The following PDE4D variants were observed in gnomAD, a reference collection of about 807,000 sequenced individuals.
PDE4D encodes 3',5'-cyclic-AMP phosphodiesterase 4D.
Under a neutral mutation model 87.4 loss-of-function variants are expected in PDE4D, and 24 were observed. The ratio of observed to expected loss-of-function variants is 0.27; its 90% confidence interval spans 0.20 to 0.39. PDE4D has a LOEUF of 0.39. Among genes scored for constraint, PDE4D ranks in the 10% least tolerant of loss-of-function variants. PDE4D has a pLI of 1.00. For missense variants in PDE4D, 714 were observed against 1,041.0 expected, an observed-to-expected ratio of 0.69 and a Z score of 4.32; for synonymous variants, 384 against 383.2, an observed-to-expected ratio of 1.00 and a Z score of -0.02.
intron 1 of PDE4D, among the ~76,000 whole-genome samples, chr5:59,643,148 A>G (rs1281084616): frequency 1.3e-5 from 2 of 152,202 alleles, no homozygotes; most frequent in Non-Finnish European, 2.9e-5. Context: ...AAATGAATAC[A>G]ATGAGATGAC....
intron 1 of PDE4D, among the ~76,000 whole-genome samples, chr5:59,341,191 T>C (rs549318432): frequency 1.3e-5 from 2 of 152,282 alleles, no homozygotes; most frequent in African/African-American, 4.8e-5. Flanking sequence ...GCAGTCAGCT[T>C]CCTTCTGGGT....
chr5:59,370,097 C>A (rs1010380611), intron 1 of PDE4D, among the ~76,000 whole-genome samples: 5 of 152,218 alleles, frequency 3.3e-5, no homozygotes, highest in Non-Finnish European at 7.3e-5. Flanking sequence ...GCCATCTCCA[C>A]TGCCATCACC....
intron 1 of PDE4D, among the ~76,000 whole-genome samples, chr5:59,387,927 G>A (rs1032431865): frequency 8.6e-5 from 13 of 151,970 alleles, no homozygotes; most frequent in Admixed American, 1.3e-4. Context: ...TGTGTCCTTT[G>A]ACTAACATTG....
intron 5 of PDE4D, among the ~76,000 whole-genome samples, chr5:59,148,676 T>C (rs1173627672): frequency 1.3e-5 from 2 of 152,028 alleles, no homozygotes; most frequent in Admixed American, 6.6e-5. Flanking sequence ...AACTTTTAAA[T>C]AGGAACTCCG....
chr5:59,854,074 A>G (rs1745060547), intron 1 of PDE4D, among the ~76,000 whole-genome samples: 1 of 152,090 alleles, frequency 6.6e-6, no homozygotes. Flanking sequence ...GCATAAATTC[A>G]TAGTGATAGA....
chr5:59,929,327 T>C (rs1399953213), intron 3 of PDE4D, among the ~76,000 whole-genome samples: 2 of 152,196 alleles, frequency 1.3e-5, no homozygotes, highest in Non-Finnish European at 2.9e-5. Flanking sequence ...AGGAACCCAA[T>C]CTACACCCTT....
chr5:60,059,856 C>A (rs1217424942), intron 2 of PDE4D, among the ~76,000 whole-genome samples: 3 of 151,918 alleles, frequency 2.0e-5, no homozygotes, highest in Non-Finnish European at 2.9e-5. Flanking sequence ...TAGCTCCAGA[C>A]AAAAGACTTC....
chr5:58,978,089 T>C (rs1464988185), intron 11 of PDE4D, among the ~76,000 whole-genome samples: 1 of 152,164 alleles, frequency 6.6e-6, no homozygotes, highest in Admixed American at 6.6e-5. Context: ...TTCTTGTAAA[T>C]AGCAGACCCA....
intron 1 of PDE4D, among the ~76,000 whole-genome samples, chr5:59,226,002 C>A (rs1372540026): frequency 1.3e-5 from 2 of 149,806 alleles, no homozygotes; most frequent in Non-Finnish European, 3.0e-5. Flanking sequence ...AAAAAAAAAA[C>A]CTGTTGGCAA....
chr5:59,425,701 T>A (rs1328786871), intron 1 of PDE4D, among the ~76,000 whole-genome samples: 3 of 152,224 alleles, frequency 2.0e-5, no homozygotes, highest in Non-Finnish European at 4.4e-5. Flanking sequence ...TGTACTTGTT[T>A]TTCTTTGGTA....
intron 5 of PDE4D, among the ~76,000 whole-genome samples, chr5:59,053,176 G>C (rs1761790901): frequency 6.6e-6 from 1 of 152,036 alleles, no homozygotes. Flanking sequence ...TCATCCTTAA[G>C]ATTAGCGTTT....
chr5:59,327,024 C>CT (rs947228461), intron 1 of PDE4D, among the ~76,000 whole-genome samples: 2 of 151,676 alleles, frequency 1.3e-5, no homozygotes, highest in African/African-American at 2.4e-5. Flanking sequence ...CATCTTCCAC[C>CT]TTTTTTTAGC....
chr5:60,479,062 T>G (rs1748535056), intron 1 of PDE4D, among the ~76,000 whole-genome samples: 1 of 152,132 alleles, frequency 6.6e-6, no homozygotes, highest in Non-Finnish European at 1.5e-5. Context: ...TAACTTGATG[T>G]TTCTCCTTTA....
chr5:59,350,053 T>C (rs1363683031), intron 1 of PDE4D, among the ~76,000 whole-genome samples: 2 of 152,174 alleles, frequency 1.3e-5, no homozygotes, highest in African/African-American at 2.4e-5. Flanking sequence ...TCTACAAAAA[T>C]GTTGTTTACA....
At chr5:59,511,915 A>G (rs923850999) in intron 1 of PDE4D, among the ~76,000 whole-genome samples, 1 of 152,102 alleles carries the variant, frequency 6.6e-6, no homozygotes, top group African/African-American at 2.4e-5. Flanking sequence ...ATTCAGCACT[A>G]TATGATACCA....
At chr5:60,446,461 C>T (rs942589888) in intron 1 of PDE4D, among the ~76,000 whole-genome samples, 6 of 152,036 alleles carry the variant, frequency 3.9e-5, no homozygotes, top group African/African-American at 1.4e-4. Context: ...CACACTAGTT[C>T]GTTAAATGGG....
intron 1 of PDE4D, among the ~76,000 whole-genome samples, chr5:60,260,878 C>A (rs1289870328): frequency 1.3e-5 from 2 of 151,960 alleles, no homozygotes; most frequent in Non-Finnish European, 1.5e-5. Context: ...AATAGTCTTG[C>A]CAAAAGGAAA....
At chr5:59,166,971 T>C (rs1370554740) in intron 5 of PDE4D, among the ~76,000 whole-genome samples, 1 of 152,150 alleles carries the variant, frequency 6.6e-6, no homozygotes, top group Non-Finnish European at 1.5e-5. Context: ...AATATAATAA[T>C]ATTTATTGGT....
At chr5:59,501,551 C>A (rs772708183) in intron 1 of PDE4D, among the ~76,000 whole-genome samples, 8 of 152,070 alleles carry the variant, frequency 5.3e-5, no homozygotes, top group African/African-American at 1.9e-4. Context: ...TGAGGAAATG[C>A]ATCCAGAGGC....
Sources: allele counts gnomAD v4.1 joint callset (sites outside exome capture counted in the v4.1 genomes callset), GRCh38; gene constraint gnomAD v4.1.1; transcripts MANE v1.5; gene names NCBI Gene and HGNC (gene_info 2026-07-23, HGNC 2026-07-21).